ABCC2: variants seen among roughly 807,000 people sequenced by gnomAD.
ABCC2 encodes the protein ATP binding cassette subfamily C member 2.
ABCC2 carries 157 observed loss-of-function variants against 173.4 expected under a neutral mutation model. The ratio of observed to expected loss-of-function variants is 0.91; its 90% CI spans 0.80 to 1.03. The LOEUF (loss-of-function observed/expected upper bound fraction) is 1.03. ABCC2 is among the 50% of genes least tolerant of loss of function. ABCC2 has a pLI of 0.00. For synonymous variants in ABCC2, 657 were observed against 693.5 expected (o/e 0.95, Z 0.83); for missense variants, 1,822 against 1,852.3 (o/e 0.98, Z 0.30).
At chr10:99,826,508 G>C (rs1043845274) in intron 19 of ABCC2, among the ~76,000 whole-genome samples, 2 of 151,770 alleles carry the variant, frequency 1.3e-5, no homozygotes, top group Non-Finnish European at 2.9e-5. Context: ...ATGAGGGGCA[G>C]GCGCTTCCTG....
At chr10:99,831,893 A>G (rs2133115478) in intron 22 of ABCC2, 63 bp downstream of exon 22, 1 of 1,613,102 alleles carries the variant, frequency 6.2e-7, no homozygotes, top group South Asian at 1.1e-5. Context: ...TCCTGGACTC[A>G]GGAATGCATT....
chr10:99,830,461 T>G, intron 20 of ABCC2, 28 bp downstream of exon 20: 2 of 1,614,140 alleles, frequency 1.2e-6, no homozygotes, highest in Non-Finnish European at 1.7e-6. Context: ...CTGGCAGCCC[T>G]CGTCAGCTCT....
At chr10:99,823,040 A>G (rs538565513) in intron 19 of ABCC2, among the ~76,000 whole-genome samples, 6 of 151,980 alleles carry the variant, frequency 3.9e-5, no homozygotes, top group South Asian at 4.1e-4. Flanking sequence ...GTGAATAAGT[A>G]TCAACTATTA....
In ABCC2 at chr10:99,794,401, T is replaced by G. The variant is rs1183347312; in HGVS notation, c.577-12T>G. 1 of 1,613,280 alleles carries G rather than the reference T, an allele frequency of 6.2e-7. No individual in the cohort carries two copies. The highest frequency in any genetic ancestry group is 1.3e-5 in the African/African-American group (1 of 75,030). On this transcript the variant is annotated splice_polypyrimidine_tract_variant and intron_variant, in intron 5 of 31. Coordinates refer to ENST00000647814, the MANE Select transcript of ABCC2 (RefSeq NM_000392.5). ...CAATTGGTTTACATTTCGATTTTTTTGTGTCTTTCAGAATCCATCATCCAT... is the reference window on the plus strand; with the variant it reads ...CAATTGGTTTACATTTCGATTTTTTGGTGTCTTTCAGAATCCATCATCCAT...
chr10:99,788,102 C>T (rs2037749973), intron 2 of ABCC2, among the ~76,000 whole-genome samples: 1 of 151,934 alleles, frequency 6.6e-6, no homozygotes, highest in Admixed American at 6.6e-5. Flanking sequence ...AAAGGGTACC[C>T]AGTACTCTAG....
intron 19 of ABCC2, among the ~76,000 whole-genome samples, chr10:99,828,174 C>T (rs2002042): frequency 0.27 from 40,284 of 150,810 alleles, 5,612 homozygotes; most frequent in East Asian, 0.38. Flanking sequence ...TTATAAACCA[C>T]TTCTCCTTTG....
chr10:99,785,714 C>T (rs555441381), intron 2 of ABCC2, among the ~76,000 whole-genome samples: 2 of 152,016 alleles, frequency 1.3e-5, no homozygotes, highest in South Asian at 4.1e-4. Flanking sequence ...GGCGGGATTT[C>T]GCCATGTTGG....
rs765064597 is a variant in ABCC2 at position 99,836,090 on chromosome 10, G to A, written c.3415-1G>A. The stretch of plus-strand genomic sequence containing the variant: ...GCTGATTCTTTACTTTTTGTGTCCA[G>A]ATGTTTTATGTGTCTACCTCCCGCC... On this transcript the variant is annotated splice_acceptor_variant, in intron 24 of 31. Transcript: ENST00000647814. LOFTEE classifies it high-confidence loss of function. The A allele has an allele frequency of 3.1e-6, 5 of 1,613,234 alleles. No individual in the cohort carries two copies. The Admixed American group carries it at 8.3e-5, about 27-fold the overall frequency.
chr10:99,826,301 T>C (rs1358056019), intron 19 of ABCC2, among the ~76,000 whole-genome samples: 2 of 152,142 alleles, frequency 1.3e-5, no homozygotes, highest in African/African-American at 4.8e-5. Context: ...ATTCTGAGAT[T>C]ACATCTGATC....
At chr10:99,801,420 T>C (rs2038014488) in intron 9 of ABCC2, among the ~76,000 whole-genome samples, 1 of 152,086 alleles carries the variant, frequency 6.6e-6, no homozygotes. Context: ...GTATTTTTAG[T>C]AGAGATGGGG....
intron 2 of ABCC2, among the ~76,000 whole-genome samples, chr10:99,791,803 T>C (rs2037815340): frequency 6.6e-6 from 1 of 152,206 alleles, no homozygotes; most frequent in African/African-American, 2.4e-5. Flanking sequence ...ACTGGTAGCT[T>C]TCTCCAGAGT....
intron 25 of ABCC2, among the ~76,000 whole-genome samples, chr10:99,837,477 T>TA (rs1297566235): frequency 9.4e-5 from 1 of 10,588 alleles, no homozygotes; most frequent in Admixed American, 1.0e-3. Flanking sequence ...TTTTTTTTTT[T>TA]AAATTTATTT....
In ABCC2 at chr10:99,843,891, G is replaced by A. The variant is rs150472537; in HGVS notation, c.3834G>A (p.Val1278=). ...AGCGAATAACTGAGTACACAAAAGTGGAAAATGAGGTAAGGAGGAACTGGA... is the reference window on the plus strand; with the variant it reads ...AGCGAATAACTGAGTACACAAAAGTAGAAAATGAGGTAAGGAGGAACTGGA... ...AVERITEYTK[V]ENEAPWVTDK... Residue 1278 remains valine, a synonymous_variant, in exon 27 of 32, where the codon GTG becomes GTA. Coordinates refer to ENST00000647814, the MANE Select transcript of ABCC2 (RefSeq NM_000392.5). 177 of 1,613,776 alleles carry A rather than the reference G, an allele frequency of 1.1e-4. No individual in the cohort carries two copies. Among genetic ancestry groups the A allele is most frequent in the South Asian group, 5.6e-4 (51 of 91,066 alleles).
Position 99,822,415 on chromosome 10 carries a change from G to A in ABCC2, c.2620+3146G>A, listed in dbSNP as rs577619343. Among the ~76,000 whole-genome samples the A allele has an allele frequency of 1.1e-4, 17 of 151,188 alleles. No individual in the cohort carries two copies. The South Asian group carries it at 2.3e-3, about 20-fold the overall frequency. On this transcript the variant is annotated intron_variant, in intron 19 of 31. Coordinates refer to ENST00000647814, the MANE Select transcript of ABCC2 (RefSeq NM_000392.5). ...CATTTTGTTCATCTTGTGAGTCAACGGTGCTCGACTGTGGTGTCTCCGTCT... is the reference window on the plus strand; with the variant it reads ...CATTTTGTTCATCTTGTGAGTCAACAGTGCTCGACTGTGGTGTCTCCGTCT...
rs1210667442 is a variant in ABCC2, at chr10:99,797,179, G to T, written c.715G>T (p.Val239Leu). The T allele has an allele frequency of 3.7e-6, 6 of 1,614,184 alleles. No individual in the cohort carries two copies. The East Asian group carries it at 1.1e-4, about 30-fold the overall frequency. The change falls in exon 7 of 32, where the codon GTG (valine) becomes TTG (leucine). Residue 239 changes from valine (V) to leucine (L), a missense_variant. Transcript: ENST00000647814. ...VDEEMKTKTL[V>L]SKFETHMKRE... The stretch of plus-strand genomic sequence containing the variant: ...TGAAGAGATGAAAACCAAGACATTA[G>T]TGAGCAAGTTTGAAACGCACATGAA...
rs1590188448 is a variant in ABCC2 at position 99,839,165 on chromosome 10, G to C, written c.3615-2802G>C. On this transcript the variant is annotated intron_variant, in intron 25 of 31. Coordinates refer to ENST00000647814, the MANE Select transcript of ABCC2 (RefSeq NM_000392.5). The stretch of plus-strand genomic sequence containing the variant: ...CGACCCCCCCACCTCCCTCCCGGAC[G>C]GGGCGGCTGGCCGGGCGGGGGGCCA... Among the ~76,000 whole-genome samples, 4 of 118,926 alleles carry C rather than the reference G, an allele frequency of 3.4e-5. No homozygotes were observed. The East Asian group carries it at 9.0e-4, about 27-fold the overall frequency. The allele number at this position is 118,926 out of a possible 152,430, so 78.0% of individuals were successfully genotyped here. A position where few individuals can be genotyped will look rare whatever the true frequency, so the allele number is the denominator to read the frequency against.
At chr10:99,836,757 G>A (rs928122156) in intron 25 of ABCC2, among the ~76,000 whole-genome samples, 2 of 152,186 alleles carry the variant, frequency 1.3e-5, no homozygotes, top group Non-Finnish European at 2.9e-5. Flanking sequence ...AGAGAGGAGA[G>A]TTGGGAATTT....
At chr10:99,815,989 G>A (rs1051549978) in intron 16 of ABCC2, among the ~76,000 whole-genome samples, 71 of 140,550 alleles carry the variant, frequency 5.1e-4, no homozygotes, top group African/African-American at 1.9e-3. Flanking sequence ...TTTTTTTTGA[G>A]ACGGAGTCTC....
chr10:99,816,578 T>C (rs912009242), intron 16 of ABCC2, among the ~76,000 whole-genome samples: 2 of 152,018 alleles, frequency 1.3e-5, no homozygotes, highest in African/African-American at 4.8e-5. Context: ...CCGCGCCCAG[T>C]TTCCATCTCT....
Sources: allele counts gnomAD v4.1 joint callset (sites outside exome capture counted in the v4.1 genomes callset), GRCh38; gene constraint gnomAD v4.1.1; transcripts MANE v1.5; gene names NCBI Gene and HGNC (gene_info 2026-07-23, HGNC 2026-07-21).